The following MEGF11 variants were observed in gnomAD, a reference collection of about 807,000 sequenced individuals.
MEGF11 encodes multiple epidermal growth factor-like domains protein 11.
MEGF11 carries 126 observed loss-of-function variants against 146.6 expected under a neutral mutation model. The observed-to-expected ratio is 0.86, with a 90% CI of 0.74 to 1.00. The LOEUF is 1.00. Ranked by LOEUF, MEGF11 falls within the 50% of genes least tolerant of loss-of-function variation. The pLI is 0.00. For missense variants in MEGF11, 1,509 were observed against 1,521.2 expected (o/e 0.99, Z 0.13); for synonymous variants, 532 against 583.4 (o/e 0.91, Z 1.27).
In MEGF11 at chr15:66,240,503, CCT is replaced by C. The variant is rs1310529106; in HGVS notation, c.-9+13100_-9+13101del. Among the ~76,000 whole-genome samples the C allele has an allele frequency of 1.2e-4, 19 of 152,334 alleles. No homozygotes were observed. In the East Asian group the frequency reaches 3.7e-3, roughly 29 times the overall value. ...AAGCGATAAAGACCACACCCTGGAACCTCTGTTTTCTAATACGCCCATGGGGA... is the reference window on the plus strand; with the variant it reads ...AAGCGATAAAGACCACACCCTGGAACCTGTTTTCTAATACGCCCATGGGGA... On this transcript the variant is annotated intron_variant, in intron 1 of 25. Coordinates refer to ENST00000395614, the MANE Select transcript of MEGF11 (RefSeq NM_001385028.1).
chr15:65,896,847 T>G lies in MEGF11; in HGVS notation c.*1087A>C, dbSNP rs1393533807. ...ATCACGTTACAGCAACTGGTTACAG[T>G]CCATTCTTTTTTTGATCATTTAGTT... On this transcript the variant is annotated 3_prime_UTR_variant, in exon 26 of 26. Coordinates refer to ENST00000395614, the MANE Select transcript of MEGF11 (RefSeq NM_001385028.1). The G allele has an allele frequency of 6.6e-6, 1 of 152,240 alleles. No individual in the cohort carries two copies. The highest frequency in any genetic ancestry group is 1.5e-5 in the Non-Finnish European group (1 of 68,044). 9.4% of individuals were successfully genotyped at this position (152,240 alleles called of 1,614,324 possible).
At chr15:66,188,919 C>A (rs2090791860) in intron 1 of MEGF11, among the ~76,000 whole-genome samples, 1 of 152,144 alleles carries the variant, frequency 6.6e-6, no homozygotes, top group Non-Finnish European at 1.5e-5. Context: ...CAGATGCTTC[C>A]CAGTCAGCAG....
rs112928224 is a variant in MEGF11, at chr15:66,000,387, C to T, written c.395-17899G>A. Among the ~76,000 whole-genome samples, 1,464 of 152,282 alleles carry T rather than the reference C, an allele frequency of 9.6e-3. 9 individuals carry two copies. Among genetic ancestry groups the T allele is most frequent in the Middle Eastern group, 0.024 (7 of 294 alleles). On this transcript the variant is annotated intron_variant, in intron 5 of 25. Transcript: ENST00000395614. The stretch of plus-strand genomic sequence containing the variant: ...CTACAAAAAAATTTTTAAATATTAG[C>T]TGGACATGGTGGTACACACCTCTAG...
chr15:66,128,677 A>G (rs898788610), intron 1 of MEGF11, among the ~76,000 whole-genome samples: 9 of 152,152 alleles, frequency 5.9e-5, no homozygotes, highest in Admixed American at 3.3e-4. Flanking sequence ...TGTTCTCTCC[A>G]GGAAAATGCC....
At chr15:65,938,316 G>T (rs1467288575) in intron 10 of MEGF11, among the ~76,000 whole-genome samples, 2 of 152,248 alleles carry the variant, frequency 1.3e-5, no homozygotes, top group Non-Finnish European at 1.5e-5. Flanking sequence ...AGATCTCCTA[G>T]CTCCCATTTG....
At chr15:66,195,031 G>T (rs1276559571) in intron 1 of MEGF11, among the ~76,000 whole-genome samples, 1 of 151,738 alleles carries the variant, frequency 6.6e-6, no homozygotes, top group African/African-American at 2.4e-5. Context: ...AAAAACAAAA[G>T]AAAGAAATGT....
intron 1 of MEGF11, among the ~76,000 whole-genome samples, chr15:66,160,386 T>A (rs1433060893): frequency 6.6e-6 from 1 of 151,614 alleles, no homozygotes; most frequent in Non-Finnish European, 1.5e-5. Flanking sequence ...TCAAAGGAGA[T>A]AAAAGGCCTA....
chr15:66,144,164 C>T (rs539692605), intron 1 of MEGF11, among the ~76,000 whole-genome samples: 59 of 152,146 alleles, frequency 3.9e-4, no homozygotes, highest in Non-Finnish European at 6.9e-4. Context: ...AATGGCCTGA[C>T]GAACATTTTT....
chr15:65,970,416 TG>T, intron 8 of MEGF11, 136 bp downstream of exon 8: 1 of 969,162 alleles, frequency 1.0e-6, no homozygotes, highest in Non-Finnish European at 1.5e-6. Flanking sequence ...CAACCCTCCC[TG>T]GCAGGAGAGC....
intron 24 of MEGF11, 123 bp downstream of exon 24, chr15:65,905,962 T>G (rs1302825915): frequency 2.7e-6 from 2 of 727,858 alleles, no homozygotes; most frequent in Non-Finnish European, 4.5e-6. Context: ...CTGTGGTCTT[T>G]TAACCTTCTG....
chr15:66,154,414 T>C (rs2089679451), intron 1 of MEGF11, among the ~76,000 whole-genome samples: 1 of 152,128 alleles, frequency 6.6e-6, no homozygotes, highest in Non-Finnish European at 1.5e-5. Flanking sequence ...GCGAAATTAA[T>C]CAGCACATGG....
chr15:66,077,925 G>T (rs183244519), intron 5 of MEGF11, among the ~76,000 whole-genome samples: 134 of 152,266 alleles, frequency 8.8e-4, no homozygotes, highest in Middle Eastern at 3.4e-3. Flanking sequence ...CATCCAGAGG[G>T]GCCAGGAAGG....
Position 66,067,136 on chromosome 15 carries a change from A to T in MEGF11, c.394+27266T>A, listed in dbSNP as rs540352271. ...TGCTTAGAACGGTGTCTGGTGCATC[A>T]CAAGTGCAGGATGAATGAAAGCTAT... On this transcript the variant is annotated intron_variant, in intron 5 of 25. Transcript: ENST00000395614. Among the ~76,000 whole-genome samples the T allele has an allele frequency of 5.3e-5, 8 of 152,354 alleles. No individual in the cohort carries two copies. The East Asian group carries it at 1.5e-3, about 29-fold the overall frequency.
intron 7 of MEGF11, among the ~76,000 whole-genome samples, chr15:65,979,101 C>A (rs1304357691): frequency 6.6e-6 from 1 of 152,138 alleles, no homozygotes; most frequent in African/African-American, 2.4e-5. Flanking sequence ...GTCAAGAAAC[C>A]CTAGGGTTCT....
At chr15:66,134,418 G>A (rs1217176819) in intron 1 of MEGF11, among the ~76,000 whole-genome samples, 1 of 152,096 alleles carries the variant, frequency 6.6e-6, no homozygotes, top group Non-Finnish European at 1.5e-5. Flanking sequence ...TTGCAAATCA[G>A]GACACATTCA....
At chr15:66,163,109 C>T (rs2089999843) in intron 1 of MEGF11, among the ~76,000 whole-genome samples, 1 of 152,162 alleles carries the variant, frequency 6.6e-6, no homozygotes, top group Non-Finnish European at 1.5e-5. Context: ...CTGCAACCCC[C>T]AACGTCTACG....
chr15:66,077,614 T>A (rs2085647940), intron 5 of MEGF11, among the ~76,000 whole-genome samples: 1 of 152,188 alleles, frequency 6.6e-6, no homozygotes, highest in Non-Finnish European at 1.5e-5. Context: ...GTACCTTCCA[T>A]GTGCCAGGCA....
In MEGF11 at chr15:65,916,827, C is replaced by A; in HGVS notation, c.2215+1G>T. The A allele has an allele frequency of 6.2e-7, 1 of 1,610,556 alleles. No homozygotes were observed. Among genetic ancestry groups the A allele is most frequent in the Non-Finnish European group, 8.5e-7 (1 of 1,178,214 alleles). On this transcript the variant is annotated splice_donor_variant, in intron 17 of 25. Coordinates refer to ENST00000395614, the MANE Select transcript of MEGF11 (RefSeq NM_001385028.1). LOFTEE classifies it high-confidence loss of function. The stretch of plus-strand genomic sequence containing the variant: ...CTGGGAGGCCAGGAGGTGGGGCTTA[C>A]GCTGTGTGCAGAAGAGTCCAGTCCA...
At chr15:65,996,859 TG>T (rs1188977264) in intron 5 of MEGF11, among the ~76,000 whole-genome samples, 3 of 152,162 alleles carry the variant, frequency 2.0e-5, no homozygotes, top group African/African-American at 7.2e-5. Flanking sequence ...ATGGATAGCC[TG>T]GGGCCCAGAG....
Sources: allele counts gnomAD v4.1 joint callset (sites outside exome capture counted in the v4.1 genomes callset), GRCh38; gene constraint gnomAD v4.1.1; transcripts MANE v1.5; gene names NCBI Gene and HGNC (gene_info 2026-07-23, HGNC 2026-07-21).